NRXN1: variants seen among roughly 807,000 people sequenced by gnomAD.
NRXN1 encodes neurexin-1.
Under a neutral mutation model 150.9 loss-of-function variants are expected in NRXN1, and 39 were observed. That is an observed-to-expected ratio of 0.26 (90% confidence interval 0.20 to 0.34). The LOEUF (loss-of-function observed/expected upper bound fraction) is 0.34, where lower values mean the gene tolerates loss of function less well. Among genes scored for constraint, NRXN1 ranks in the 10% least tolerant of loss-of-function variants. The pLI, the probability that NRXN1 is intolerant of heterozygous loss-of-function variation, is 1.00. For synonymous variants in NRXN1, 924 were observed against 757.0 expected (o/e 1.22, Z -3.62); for missense variants, 1,815 against 1,949.9 (o/e 0.93, Z 1.30).
intron 21 of NRXN1, among the ~76,000 whole-genome samples, chr2:50,013,904 C>G (rs546697322): frequency 1.7e-4 from 26 of 151,914 alleles, no homozygotes; most frequent in African/African-American, 6.3e-4. Flanking sequence ...ATGGGGGAGT[C>G]GGAAGAGTGG....
chr2:50,325,476 C>T (rs1410445581), intron 17 of NRXN1, among the ~76,000 whole-genome samples: 1 of 152,194 alleles, frequency 6.6e-6, no homozygotes, highest in Non-Finnish European at 1.5e-5. Flanking sequence ...AAGCAGTTTA[C>T]ATATCCACTG....
At chr2:50,618,315 G>C (rs1046900730) in intron 8 of NRXN1, among the ~76,000 whole-genome samples, 1 of 152,094 alleles carries the variant, frequency 6.6e-6, no homozygotes, top group South Asian at 2.1e-4. Context: ...CACTGTTTGA[G>C]ATGCTCATAT....
intron 2 of NRXN1, among the ~76,000 whole-genome samples, chr2:50,992,047 C>G (rs957531198): frequency 2.8e-4 from 42 of 152,064 alleles, no homozygotes; most frequent in African/African-American, 9.2e-4. Flanking sequence ...TAATATAAAA[C>G]TTTAGAAGCC....
In NRXN1 at chr2:50,134,235, G is replaced by A. The variant is rs1170381735; in HGVS notation, c.3547-42741C>T. Among the ~76,000 whole-genome samples, 8 of 143,586 alleles carry A rather than the reference G, an allele frequency of 5.6e-5. No individual in the cohort carries two copies. The East Asian group carries it at 1.7e-3, about 31-fold the overall frequency. The allele number at this position is 143,586 out of a possible 152,430, so 94.2% of individuals were successfully genotyped here. ...TTTTTTGAAAAGCAACAAAAAGGGTGTTGAGGTATAGCTGCCAAAACCAAT... is the reference window on the plus strand; with the variant it reads ...TTTTTTGAAAAGCAACAAAAAGGGTATTGAGGTATAGCTGCCAAAACCAAT... On this transcript the variant is annotated intron_variant, in intron 18 of 22. Coordinates refer to ENST00000401669, the MANE Select transcript of NRXN1 (RefSeq NM_001330078.2).
At chr2:50,705,387 C>G (rs1694297039) in intron 5 of NRXN1, among the ~76,000 whole-genome samples, 1 of 152,044 alleles carries the variant, frequency 6.6e-6, no homozygotes, top group Non-Finnish European at 1.5e-5. Flanking sequence ...TTAAACCTAT[C>G]AAAGTATTTG....
chr2:50,116,450 T>G (rs146806409), intron 18 of NRXN1, among the ~76,000 whole-genome samples: 4 of 152,144 alleles, frequency 2.6e-5, no homozygotes, highest in Non-Finnish European at 5.9e-5. Flanking sequence ...GAATCATATG[T>G]TTAAACACCA....
intron 17 of NRXN1, among the ~76,000 whole-genome samples, chr2:50,404,206 G>T (rs1357546363): frequency 1.3e-5 from 2 of 151,310 alleles, no homozygotes; most frequent in African/African-American, 4.9e-5. Context: ...GTTGTTTTTG[G>T]TCATAGCTAT....
intron 17 of NRXN1, among the ~76,000 whole-genome samples, chr2:50,265,533 CA>C (rs1030734628): frequency 6.6e-6 from 1 of 152,210 alleles, no homozygotes; most frequent in Non-Finnish European, 1.5e-5. Context: ...TGTATTACCA[CA>C]TGAGTTACTA....
At chr2:50,658,903 A>T (rs896782479) in intron 5 of NRXN1, among the ~76,000 whole-genome samples, 3 of 152,020 alleles carry the variant, frequency 2.0e-5, no homozygotes, top group African/African-American at 7.2e-5. Flanking sequence ...CCCACATCAC[A>T]GTACAGCACT....
intron 5 of NRXN1, among the ~76,000 whole-genome samples, chr2:50,745,538 CAT>C (rs1699921527): frequency 6.6e-6 from 1 of 151,904 alleles, no homozygotes; most frequent in African/African-American, 2.4e-5. Context: ...GGTGGTGAGA[CAT>C]AGTGTGGTAT....
At chr2:50,369,152 A>G (rs2079819941) in intron 17 of NRXN1, among the ~76,000 whole-genome samples, 1 of 151,992 alleles carries the variant, frequency 6.6e-6, no homozygotes, top group African/African-American at 2.4e-5. Flanking sequence ...ATAATCCTAT[A>G]TATTTTCATT....
intron 22 of NRXN1, among the ~76,000 whole-genome samples, chr2:49,940,730 G>GA (rs1216171389): frequency 2.0e-5 from 3 of 151,956 alleles, no homozygotes; most frequent in Non-Finnish European, 2.9e-5. Flanking sequence ...ACAGGCTTGA[G>GA]AAAAAAAGTA....
intron 5 of NRXN1, chr2:50,631,029 T>C (rs1164433433): frequency 2.9e-5 from 12 of 411,710 alleles, no homozygotes; most frequent in Admixed American, 2.4e-4. Context: ...TTTACTATTA[T>C]CTTATTTGCC....
At chr2:50,448,533 A>C (rs1023234877) in intron 17 of NRXN1, among the ~76,000 whole-genome samples, 1 of 152,192 alleles carries the variant, frequency 6.6e-6, no homozygotes, top group Non-Finnish European at 1.5e-5. Context: ...AGGAACATGT[A>C]ATTTCAGATT....
At chr2:51,026,006 GT>G (rs148199738) in intron 2 of NRXN1, among the ~76,000 whole-genome samples, 4,014 of 151,958 alleles carry the variant, frequency 0.026, 204 homozygotes, top group African/African-American at 0.091. Flanking sequence ...CTAAAGACCA[GT>G]TTTTTTTCTT....
intron 7 of NRXN1, among the ~76,000 whole-genome samples, chr2:50,620,751 A>C (rs1048920350): frequency 6.6e-6 from 1 of 152,196 alleles, no homozygotes; most frequent in Non-Finnish European, 1.5e-5. Flanking sequence ...CAGGAGGTAC[A>C]GTACAGTTCA....
At chr2:50,021,434 CAGTA>C (rs1185800878) in intron 21 of NRXN1, among the ~76,000 whole-genome samples, 1 of 152,154 alleles carries the variant, frequency 6.6e-6, no homozygotes, top group Non-Finnish European at 1.5e-5. Flanking sequence ...TAAGCAAAGA[CAGTA>C]AGCATATTGG....
At chr2:50,235,710 C>CTGATAGAAGG (rs568482155) in intron 18 of NRXN1, among the ~76,000 whole-genome samples, 2 of 151,914 alleles carry the variant, frequency 1.3e-5, no homozygotes, top group Admixed American at 6.6e-5. Flanking sequence ...AGAGTGAGCA[C>CTGATAGAAGG]TGATAGAAGG....
At chr2:50,682,228 T>C (rs1366290647) in intron 5 of NRXN1, among the ~76,000 whole-genome samples, 2 of 152,174 alleles carry the variant, frequency 1.3e-5, no homozygotes, top group East Asian at 1.9e-4. Context: ...CCCCAGCAAA[T>C]TACCCAGACG....
Sources: gnomAD v4.1 joint callset for allele counts (sites outside exome capture counted in the v4.1 genomes callset) on GRCh38, gnomAD v4.1.1 for gene constraint, MANE v1.5 for transcripts, NCBI Gene and HGNC (gene_info 2026-07-23, HGNC 2026-07-21) for gene names.